ARHGAP15: variants seen among roughly 807,000 people sequenced by gnomAD.
ARHGAP15 encodes rho GTPase-activating protein 15.
A neutral mutation model predicts 63.7 loss-of-function variants in ARHGAP15; 51 were observed. That is an observed-to-expected ratio of 0.80 (90% confidence interval 0.64 to 1.01). The LOEUF is 1.01. Ranked by LOEUF, ARHGAP15 falls within the 50% of genes least tolerant of loss-of-function variation. The pLI, the probability that ARHGAP15 is intolerant of heterozygous loss-of-function variation, is 0.00. For missense variants in ARHGAP15, 560 were observed against 564.6 expected (o/e 0.99, Z 0.08); for synonymous variants, 191 against 193.8 (o/e 0.99, Z 0.12).
chr2:143,528,778 T>C (rs559218037), intron 10 of ARHGAP15, among the ~76,000 whole-genome samples: 1 of 152,260 alleles, frequency 6.6e-6, no homozygotes, highest in Admixed American at 6.5e-5. Flanking sequence ...TAACAGATGG[T>C]ATTGTCACGA....
chr2:143,461,402 T>C (rs1020572673), intron 8 of ARHGAP15, among the ~76,000 whole-genome samples: 3 of 151,910 alleles, frequency 2.0e-5, no homozygotes, highest in African/African-American at 4.8e-5. Flanking sequence ...AACACAACTG[T>C]GGGGTAGTGA....
intron 6 of ARHGAP15, chr2:143,351,199 A>G (rs1483002029): frequency 6.6e-6 from 1 of 152,252 alleles, no homozygotes; most frequent in Non-Finnish European, 1.5e-5. Flanking sequence ...TTTAGCATGT[A>G]TAAGGACTAC....
intron 13 of ARHGAP15, among the ~76,000 whole-genome samples, chr2:143,736,765 A>C (rs1685761321): frequency 1.3e-5 from 2 of 152,240 alleles, no homozygotes; most frequent in African/African-American, 4.8e-5. Flanking sequence ...GCCCTCAGGA[A>C]ATGATAGCTG....
At chr2:143,387,929 G>A (rs113736951) in intron 6 of ARHGAP15, among the ~76,000 whole-genome samples, 39 of 143,954 alleles carry the variant, frequency 2.7e-4, no homozygotes, top group African/African-American at 8.1e-4. Context: ...ACACACACAC[G>A]CATGCATGCA....
intron 6 of ARHGAP15, among the ~76,000 whole-genome samples, chr2:143,328,881 G>T (rs563103980): frequency 2.4e-4 from 36 of 152,272 alleles, no homozygotes; most frequent in Non-Finnish European, 4.4e-4. Context: ...TGAGGTAAAG[G>T]ATACTGTGTT....
chr2:143,373,143 T>C (rs1433447626), intron 6 of ARHGAP15, among the ~76,000 whole-genome samples: 1 of 152,200 alleles, frequency 6.6e-6, no homozygotes, highest in Non-Finnish European at 1.5e-5. Flanking sequence ...CCCTTTTGTA[T>C]ATTTACTCAT....
At chr2:143,229,924 T>C (rs986021531) in intron 5 of ARHGAP15, among the ~76,000 whole-genome samples, 8 of 152,342 alleles carry the variant, frequency 5.3e-5, no homozygotes, top group South Asian at 2.1e-4. Flanking sequence ...AAACTAATTA[T>C]GAATAAATTA....
chr2:143,605,325 T>A (rs1392452141), intron 11 of ARHGAP15, among the ~76,000 whole-genome samples: 1 of 152,226 alleles, frequency 6.6e-6, no homozygotes, highest in East Asian at 1.9e-4. Flanking sequence ...AGCTCTTTGC[T>A]CTGTCCACCT....
intron 8 of ARHGAP15, among the ~76,000 whole-genome samples, chr2:143,457,875 C>A (rs1198286671): frequency 6.6e-6 from 1 of 151,332 alleles, no homozygotes; most frequent in Non-Finnish European, 1.5e-5. Flanking sequence ...GAGGCAAATG[C>A]ATAGTATTAA....
intron 2 of ARHGAP15, among the ~76,000 whole-genome samples, chr2:143,156,683 T>C (rs1294070114): frequency 1.3e-5 from 2 of 151,988 alleles, no homozygotes; most frequent in Non-Finnish European, 2.9e-5. Context: ...GTGATTTTAA[T>C]CATTCTTTCC....
chr2:143,622,804 A>AG (rs1202580844), intron 11 of ARHGAP15, among the ~76,000 whole-genome samples: 20 of 132,058 alleles, frequency 1.5e-4, no homozygotes, highest in African/African-American at 4.9e-4. Context: ...AAAAAAAAAA[A>AG]AAAGAACTGC....
intron 12 of ARHGAP15, among the ~76,000 whole-genome samples, chr2:143,649,768 T>C (rs956558994): frequency 6.6e-6 from 1 of 151,948 alleles, no homozygotes; most frequent in Non-Finnish European, 1.5e-5. Context: ...TCTGCCTGCA[T>C]GCCAATACTG....
chr2:143,360,365 G>A (rs1214982094), intron 6 of ARHGAP15, among the ~76,000 whole-genome samples: 1 of 152,018 alleles, frequency 6.6e-6, no homozygotes, highest in East Asian at 1.9e-4. Context: ...CGCCTGGGTG[G>A]TGGAGAAAGA....
intron 11 of ARHGAP15, among the ~76,000 whole-genome samples, chr2:143,604,742 CA>C (rs1332922901): frequency 6.6e-6 from 1 of 152,154 alleles, no homozygotes; most frequent in Non-Finnish European, 1.5e-5. Context: ...GGCACTCAGA[CA>C]ACTTTAATTC....
At chr2:143,582,220 TG>T (rs1033475994) in intron 11 of ARHGAP15, among the ~76,000 whole-genome samples, 10 of 152,068 alleles carry the variant, frequency 6.6e-5, no homozygotes, top group Non-Finnish European at 1.3e-4. Flanking sequence ...CAAAAGGGTG[TG>T]TTTTTATTAG....
chr2:143,725,757 A>G (rs1439729299), intron 13 of ARHGAP15, among the ~76,000 whole-genome samples: 1 of 152,240 alleles, frequency 6.6e-6, no homozygotes, highest in Non-Finnish European at 1.5e-5. Flanking sequence ...AACAAGGTCT[A>G]TGTGCCCATC....
chr2:143,135,125 A>G (rs1475859090), intron 1 of ARHGAP15, among the ~76,000 whole-genome samples: 1 of 152,190 alleles, frequency 6.6e-6, no homozygotes, highest in Non-Finnish European at 1.5e-5. Flanking sequence ...CAGAAGAGAG[A>G]GCACTTTAAT....
At chr2:143,564,682 G>A (rs1397153932) in intron 11 of ARHGAP15, among the ~76,000 whole-genome samples, 1 of 152,144 alleles carries the variant, frequency 6.6e-6, no homozygotes, top group East Asian at 1.9e-4. Flanking sequence ...TAGTTTTCTA[G>A]TGAGGGGAAG....
At chr2:143,611,943 C>A (rs892182818) in intron 11 of ARHGAP15, among the ~76,000 whole-genome samples, 11 of 152,140 alleles carry the variant, frequency 7.2e-5, no homozygotes, top group Non-Finnish European at 1.3e-4. Flanking sequence ...CTATTTAGTT[C>A]TGGCCTTCAT....
Sources: allele counts gnomAD v4.1 joint callset (sites outside exome capture counted in the v4.1 genomes callset), GRCh38; gene constraint gnomAD v4.1.1; transcripts MANE v1.5; gene names NCBI Gene and HGNC (gene_info 2026-07-23, HGNC 2026-07-21).